SIPA1L2: variants seen among roughly 807,000 people sequenced by gnomAD.
SIPA1L2 encodes the protein signal induced proliferation associated 1 like 2, also known as signal-induced proliferation-associated 1-like protein 2.
In SIPA1L2, 56 loss-of-function variants were observed where a neutral mutation model predicts 163.9. That is an observed-to-expected ratio of 0.34 (90% CI 0.28 to 0.43). SIPA1L2 has a LOEUF of 0.43. Ranked by LOEUF, SIPA1L2 falls within the 20% of genes least tolerant of loss-of-function variation. SIPA1L2 has a pLI of 1.00. For missense variants in SIPA1L2, 1,974 were observed against 2,193.5 expected (o/e 0.90, Z 2.00); for synonymous variants, 877 against 865.7 (o/e 1.01, Z -0.23).
chr1:232,472,808 T>A (rs201975155), intron 7 of SIPA1L2, among the ~76,000 whole-genome samples: 1 of 152,246 alleles, frequency 6.6e-6, no homozygotes, highest in East Asian at 1.9e-4. Flanking sequence ...TAAAGCCTTT[T>A]AAACTCAGAT....
chr1:232,422,073 T>A (rs912581036), intron 18 of SIPA1L2, among the ~76,000 whole-genome samples: 5 of 152,190 alleles, frequency 3.3e-5, no homozygotes, highest in African/African-American at 1.2e-4. Context: ...ACTGGTTATG[T>A]GGCCTGTGAA....
intron 2 of SIPA1L2, among the ~76,000 whole-genome samples, chr1:232,517,788 G>A (rs562058747): frequency 3.1e-4 from 47 of 152,228 alleles, no homozygotes; most frequent in African/African-American, 9.6e-4. Flanking sequence ...CACCTATAAC[G>A]CCAGCACTTT....
chr1:232,579,092 C>G (rs183011233), intron 1 of SIPA1L2, among the ~76,000 whole-genome samples: 64 of 152,300 alleles, frequency 4.2e-4, no homozygotes, highest in Non-Finnish European at 8.1e-4. Context: ...TGTGTGAAAA[C>G]CAGATTTGCA....
chr1:232,520,159 G>A lies in SIPA1L2; in HGVS notation c.-269-4551C>T, dbSNP rs184344941. On this transcript the variant is annotated intron_variant, in intron 2 of 22. Transcript: ENST00000674635. ...ATACAGTTTTCTTTCTGTTCTTTAA[G>A]CTAATTTTTACTGTGAGGGGCACTG... Among the ~76,000 whole-genome samples the A allele has an allele frequency of 4.6e-5, 7 of 152,286 alleles. No individual in the cohort carries two copies. In the East Asian group the frequency reaches 1.4e-3, roughly 29 times the overall value.
intron 2 of SIPA1L2, among the ~76,000 whole-genome samples, chr1:232,531,712 T>C (rs1573037026): frequency 6.6e-6 from 1 of 152,154 alleles, no homozygotes; most frequent in Non-Finnish European, 1.5e-5. Flanking sequence ...TTGGGTAGGG[T>C]CTACATAACT....
chr1:232,476,332 G>C (rs1252074792), intron 7 of SIPA1L2, among the ~76,000 whole-genome samples: 1 of 152,010 alleles, frequency 6.6e-6, no homozygotes, highest in Non-Finnish European at 1.5e-5. Context: ...ATACCTCCAC[G>C]AGGCGTCAGG....
intron 1 of SIPA1L2, among the ~76,000 whole-genome samples, chr1:232,592,723 A>C (rs1376247061): frequency 2.0e-5 from 3 of 152,130 alleles, no homozygotes; most frequent in Admixed American, 6.5e-5. Context: ...GAACCTTAGA[A>C]AACTTGTAAT....
chr1:232,557,719 C>G (rs1223448499), intron 2 of SIPA1L2, among the ~76,000 whole-genome samples: 1 of 152,168 alleles, frequency 6.6e-6, no homozygotes, highest in Non-Finnish European at 1.5e-5. Flanking sequence ...CTTGTCTATC[C>G]CACTAGACTG....
At chr1:232,558,678 C>A (rs1658863585) in intron 2 of SIPA1L2, among the ~76,000 whole-genome samples, 1 of 152,102 alleles carries the variant, frequency 6.6e-6, no homozygotes, top group East Asian at 1.9e-4. Flanking sequence ...AGTTATCTCC[C>A]ATAAAAGTCT....
chr1:232,556,944 A>G (rs1573078130), intron 2 of SIPA1L2, among the ~76,000 whole-genome samples: 1 of 152,226 alleles, frequency 6.6e-6, no homozygotes, highest in East Asian at 1.9e-4. Flanking sequence ...CAGGAGACAC[A>G]GGCCAGCTCT....
intron 1 of SIPA1L2, among the ~76,000 whole-genome samples, chr1:232,577,158 A>T (rs61825452): frequency 0.19 from 28,449 of 152,192 alleles, 2,824 homozygotes; most frequent in Middle Eastern, 0.28. Context: ...CTTAGTTACC[A>T]TTCCAAAAAT....
chr1:232,489,569 T>C (rs906016675), intron 5 of SIPA1L2, among the ~76,000 whole-genome samples: 2 of 152,112 alleles, frequency 1.3e-5, no homozygotes, highest in African/African-American at 4.8e-5. Context: ...TGTTACAATA[T>C]CTGCTTCTTT....
At chr1:232,535,200 C>G (rs1657226075) in intron 2 of SIPA1L2, among the ~76,000 whole-genome samples, 2 of 152,136 alleles carry the variant, frequency 1.3e-5, no homozygotes, top group Non-Finnish European at 2.9e-5. Context: ...GGTTCCCAGT[C>G]TGCCAGAGAA....
intron 2 of SIPA1L2, among the ~76,000 whole-genome samples, chr1:232,569,738 A>G (rs1286004537): frequency 1.3e-5 from 2 of 152,214 alleles, no homozygotes; most frequent in Non-Finnish European, 2.9e-5. Context: ...GCTTGAACCC[A>G]GGAGGCGGAG....
At chr1:232,546,362 A>T (rs1558259515) in intron 2 of SIPA1L2, among the ~76,000 whole-genome samples, 1 of 152,282 alleles carries the variant, frequency 6.6e-6, no homozygotes, top group East Asian at 1.9e-4. Flanking sequence ...ACCATTTTTC[A>T]TCTACTTTCA....
chr1:232,444,295 A>C lies in SIPA1L2; in HGVS notation c.3354-610T>G, dbSNP rs371599357. Among the ~76,000 whole-genome samples, 13 of 152,318 alleles carry C rather than the reference A, an allele frequency of 8.5e-5. No homozygotes were observed. In the East Asian group the frequency reaches 2.3e-3, roughly 27 times the overall value. ...AATTTACTTAAATTAGAATTACTTAAGTAAATTTTAATTTAATACAATTTA... is the reference window on the plus strand; with the variant it reads ...AATTTACTTAAATTAGAATTACTTACGTAAATTTTAATTTAATACAATTTA... On this transcript the variant is annotated intron_variant, in intron 11 of 22. Coordinates refer to ENST00000674635, the MANE Select transcript of SIPA1L2 (RefSeq NM_020808.5).
rs189985716 is a variant in SIPA1L2, at chr1:232,551,196, T to C, written c.-270+22978A>G. 1.6e-3 allele frequency among the ~76,000 whole-genome samples: 248 copies of C among 152,304 alleles called. 2 individuals carry two copies. The highest frequency in any genetic ancestry group is 5.7e-3 in the African/African-American group (236 of 41,568). ...CAGAATGCATGTGTTTGGGACCTAA[T>C]AGGCACTCCAAAACCAAAAAACAAA... is the stretch of plus-strand genomic sequence containing the variant. On this transcript the variant is annotated intron_variant, in intron 2 of 22. Transcript: ENST00000674635.
intron 10 of SIPA1L2, among the ~76,000 whole-genome samples, chr1:232,447,134 A>G (rs1663264665): frequency 6.6e-6 from 1 of 152,250 alleles, no homozygotes; most frequent in South Asian, 2.1e-4. Context: ...AATAATGTAA[A>G]CTATCTCATT....
intron 19 of SIPA1L2, among the ~76,000 whole-genome samples, chr1:232,414,700 C>G (rs909883685): frequency 3.3e-5 from 5 of 152,146 alleles, no homozygotes; most frequent in African/African-American, 9.7e-5. Flanking sequence ...GCCAGGTTCC[C>G]CAGTGCCAGA....
Sources: allele counts gnomAD v4.1 joint callset (sites outside exome capture counted in the v4.1 genomes callset), GRCh38; gene constraint gnomAD v4.1.1; transcripts MANE v1.5; gene names NCBI Gene and HGNC (gene_info 2026-07-23, HGNC 2026-07-21).